ACSM2B: variants seen among roughly 807,000 people sequenced by gnomAD.
ACSM2B encodes the protein acyl-CoA synthetase medium chain family member 2B, also known as acyl-coenzyme A synthetase ACSM2B, mitochondrial.
ACSM2B carries 58 observed loss-of-function variants against 78.6 expected under a neutral mutation model. The ratio of observed to expected loss-of-function variants is 0.74; its 90% CI spans 0.60 to 0.92. The LOEUF is 0.92. Ranked by LOEUF, ACSM2B falls within the 40% of genes least tolerant of loss-of-function variation. The pLI is 0.00. For missense variants in ACSM2B, 688 were observed against 711.2 expected (o/e 0.97, Z 0.37); for synonymous variants, 257 against 256.8 (o/e 1.00, Z -0.01).
At chr16:20,547,103 G>T (rs2015165290) in intron 8 of ACSM2B, 4 of 988,240 alleles carry the variant, frequency 4.0e-6, no homozygotes, top group Non-Finnish European at 2.5e-6. Flanking sequence ...ATCTAGCCTG[G>T]ACACCAGATG....
intron 12 of ACSM2B, chr16:20,541,655 TTTTTCC>T (rs1420978256): frequency 6.5e-6 from 1 of 153,138 alleles, no homozygotes; most frequent in Admixed American, 6.6e-5. Context: ...TTCACTTTCT[TTTTTCC>T]TTTCTTTTTC....
intron 1 of ACSM2B, among the ~76,000 whole-genome samples, chr16:20,571,265 G>C (rs1339979047): frequency 2.6e-5 from 4 of 152,092 alleles, no homozygotes; most frequent in Admixed American, 2.0e-4. Flanking sequence ...TTGATAGCTT[G>C]TGTCACTATT....
rs1283860592 is a variant in ACSM2B at position 20,566,729 on chromosome 16, ATATAG to A, written c.-8-1881_-8-1877del. ...ATATAGTATATATAGTATATACTAT[ATATAG>A]TATATACTATATATACTATATATAG... On this transcript the variant is annotated intron_variant, in intron 1 of 13. Transcript: ENST00000329697. 4.1e-4 allele frequency among the ~76,000 whole-genome samples: 7 copies of A among 17,276 alleles called. 2 individuals carry two copies. Among genetic ancestry groups the A allele is most frequent in the Non-Finnish European group, 6.4e-4 (7 of 10,966 alleles). 11.3% of individuals were successfully genotyped at this position (17,276 alleles called of 152,430 possible).
chr16:20,536,844 T>G lies in ACSM2B; in HGVS notation c.*414A>C, dbSNP rs2014856173. ...TTCTTCTTTCTCTTTCTCTCTTTAT[T>G]TCTTTCCTTTCTTCTCTTTATTTTT... On this transcript the variant is annotated 3_prime_UTR_variant, in exon 14 of 14. Coordinates refer to ENST00000329697, the MANE Select transcript of ACSM2B (RefSeq NM_001105069.2). 6.4e-6 allele frequency: 1 copy of G among 155,334 alleles called. No individual in the cohort carries two copies. The highest frequency in any genetic ancestry group is 2.1e-4 in the South Asian group (1 of 4,872). 9.6% of individuals were successfully genotyped at this position (155,334 alleles called of 1,614,324 possible).
rs1555459379 is a variant in ACSM2B at position 20,566,700 on chromosome 16, A to ATATAC, written c.-8-1848_-8-1847insGTATA. 2.5e-3 allele frequency among the ~76,000 whole-genome samples: 17 copies of ATATAC among 6,698 alleles called. 2 individuals are homozygous for ATATAC. Among genetic ancestry groups the ATATAC allele is most frequent in the African/African-American group, 5.7e-3 (12 of 2,120 alleles). The allele number at this position is 6,698 out of a possible 152,430, so 4.4% of individuals were successfully genotyped here. ...ACATATAGTATATACTATATATAGT[A>ATATAC]TATATATAGTATATATAGTATATAC... On this transcript the variant is annotated intron_variant, in intron 1 of 13. Coordinates refer to ENST00000329697, the MANE Select transcript of ACSM2B (RefSeq NM_001105069.2).
intron 10 of ACSM2B, among the ~76,000 whole-genome samples, chr16:20,543,899 C>T (rs561967154): frequency 4.9e-4 from 75 of 152,268 alleles, no homozygotes; most frequent in African/African-American, 1.7e-3. Flanking sequence ...AGCCTCACTC[C>T]ATCATTGGGA....
chr16:20,566,534 A>G (rs1356260229), intron 1 of ACSM2B, among the ~76,000 whole-genome samples: 2 of 108,580 alleles, frequency 1.8e-5, no homozygotes, highest in Admixed American at 2.6e-4. Flanking sequence ...TATGTTATAT[A>G]TACTATATAA....
At chr16:20,566,817 T>A (rs1326666264) in intron 1 of ACSM2B, among the ~76,000 whole-genome samples, 1 of 112,784 alleles carries the variant, frequency 8.9e-6, no homozygotes, top group African/African-American at 3.4e-5. Flanking sequence ...TTTTTATACA[T>A]TTTTATATCT....
chr16:20,542,783 T>C (rs2015032231), intron 12 of ACSM2B, 131 bp downstream of exon 12: 1 of 1,229,592 alleles, frequency 8.1e-7, no homozygotes. Flanking sequence ...CAAGGTCACA[T>C]AGCTAGTAAG....
chr16:20,568,782 G>A (rs551102850), intron 1 of ACSM2B, among the ~76,000 whole-genome samples: 1 of 151,654 alleles, frequency 6.6e-6, no homozygotes, highest in Non-Finnish European at 1.5e-5. Context: ...AGGTGGTATA[G>A]CATTGTGGTT....
chr16:20,538,373 A>T (rs1825150239), intron 13 of ACSM2B, among the ~76,000 whole-genome samples: 1 of 152,336 alleles, frequency 6.6e-6, no homozygotes, highest in Admixed American at 6.5e-5. Context: ...ATGCATTTAG[A>T]AACTGTCAAC....
chr16:20,558,797 A>G (rs1187130586), intron 3 of ACSM2B, among the ~76,000 whole-genome samples: 1 of 152,250 alleles, frequency 6.6e-6, no homozygotes, highest in African/African-American at 2.4e-5. Flanking sequence ...GTGCAAATGC[A>G]GCCACATATA....
intron 10 of ACSM2B, chr16:20,544,793 G>A: frequency 1.0e-6 from 1 of 994,494 alleles, no homozygotes; most frequent in Non-Finnish European, 1.2e-6. Context: ...CTCTAAAGAA[G>A]ATCAACGGCA....
At chr16:20,552,369 A>C in intron 5 of ACSM2B, 72 bp from the exon 6 acceptor site, 3 of 1,533,328 alleles carry the variant, frequency 2.0e-6, no homozygotes, top group Non-Finnish European at 2.6e-6. Flanking sequence ...ACTAAGGTGT[A>C]GGGGAGGAAA....
intron 1 of ACSM2B, among the ~76,000 whole-genome samples, chr16:20,567,771 TATATATA>T (rs1046139903): frequency 2.1e-5 from 3 of 139,938 alleles, no homozygotes; most frequent in African/African-American, 7.8e-5. Context: ...TATATACAGA[TATATATA>T]ATATATAATA....
intron 13 of ACSM2B, among the ~76,000 whole-genome samples, chr16:20,540,145 G>A (rs1050799639): frequency 6.6e-6 from 1 of 151,776 alleles, no homozygotes; most frequent in African/African-American, 2.4e-5. Context: ...AAAAGCTGAG[G>A]TCATTTTTCA....
At chr16:20,547,480 G>C (rs2015174929) in intron 8 of ACSM2B, 2 of 975,502 alleles carry the variant, frequency 2.1e-6, no homozygotes, top group Admixed American at 1.2e-4. Flanking sequence ...CTGGAAAAAG[G>C]AGAAGAAGAG....
intron 1 of ACSM2B, among the ~76,000 whole-genome samples, chr16:20,566,589 TATA>T (rs1450481645): frequency 1.6e-4 from 15 of 94,282 alleles, no homozygotes; most frequent in Non-Finnish European, 3.8e-5. Flanking sequence ...TATCTATAAA[TATA>T]TAATATGTAT....
At chr16:20,556,382 A>G (rs2015475542) in intron 3 of ACSM2B, among the ~76,000 whole-genome samples, 1 of 152,166 alleles carries the variant, frequency 6.6e-6, no homozygotes, top group African/African-American at 2.4e-5. Context: ...AGGGCAGACT[A>G]TTAGAGGTCA....
Sources: allele counts gnomAD v4.1 joint callset (sites outside exome capture counted in the v4.1 genomes callset), GRCh38; gene constraint gnomAD v4.1.1; transcripts MANE v1.5; gene names NCBI Gene and HGNC (gene_info 2026-07-23, HGNC 2026-07-21).